ITGB6: variants seen among roughly 807,000 people sequenced by gnomAD.
ITGB6 encodes the protein integrin beta-6.
Under a neutral mutation model 84.5 loss-of-function variants are expected in ITGB6, and 80 were observed. That is an observed-to-expected ratio of 0.95 (90% CI 0.79 to 1.14). The LOEUF (loss-of-function observed/expected upper bound fraction) is 1.14. ITGB6 is among the 50% of genes most tolerant of loss of function. The pLI is 0.00. For missense variants in ITGB6, 1,006 were observed against 968.0 expected, an observed-to-expected ratio of 1.04 and a Z score of -0.52; for synonymous variants, 383 against 354.9, an observed-to-expected ratio of 1.08 and a Z score of -0.89.
At chr2:160,187,793 A>G (rs1685964057) in intron 4 of ITGB6, among the ~76,000 whole-genome samples, 2 of 152,202 alleles carry the variant, frequency 1.3e-5, no homozygotes. Context: ...AAATCAGTAG[A>G]TAATTATTTT....
chr2:160,148,965 C>T (rs1025416389), intron 7 of ITGB6, among the ~76,000 whole-genome samples: 27 of 152,356 alleles, frequency 1.8e-4, no homozygotes, highest in South Asian at 1.4e-3. Context: ...TTGGGTGGAG[C>T]CCACCACAGC....
intron 6 of ITGB6, 128 bp downstream of exon 6, chr2:160,172,441 G>A: frequency 1.1e-6 from 1 of 912,902 alleles, no homozygotes; most frequent in Non-Finnish European, 1.6e-6. Flanking sequence ...GGGGCAACTT[G>A]TTAATCCCAC....
intron 12 of ITGB6, among the ~76,000 whole-genome samples, 190 bp from the exon 13 acceptor site, chr2:160,112,389 AG>A (rs369093337): frequency 5.3e-5 from 8 of 152,224 alleles, no homozygotes; most frequent in African/African-American, 1.4e-4. Context: ...CCAGAAGAAC[AG>A]TTCCAGTTGT....
At chr2:160,115,240 AC>A (rs1271558897) in intron 12 of ITGB6, among the ~76,000 whole-genome samples, 1 of 152,142 alleles carries the variant, frequency 6.6e-6, no homozygotes, top group Non-Finnish European at 1.5e-5. Context: ...ACTGGGAGGC[AC>A]CCCCTAGTAG....
intron 13 of ITGB6, among the ~76,000 whole-genome samples, chr2:160,111,258 G>T (rs990427224): frequency 6.6e-6 from 1 of 152,176 alleles, no homozygotes. Flanking sequence ...GTAAGGGATG[G>T]CTTTGATTTC....
chr2:160,178,087 C>T (rs987511412), intron 4 of ITGB6, among the ~76,000 whole-genome samples: 2 of 152,314 alleles, frequency 1.3e-5, no homozygotes, highest in East Asian at 3.9e-4. Context: ...GTTGGCCAGG[C>T]TGGTCTCGAG....
At chr2:160,143,353 G>A (rs780340589) in intron 7 of ITGB6, among the ~76,000 whole-genome samples, 10 of 152,072 alleles carry the variant, frequency 6.6e-5, no homozygotes, top group East Asian at 1.9e-4. Flanking sequence ...TGAAATCTCC[G>A]GAGAGGTCAC....
rs543710355 is a variant in ITGB6 at position 160,185,426 on chromosome 2, G to T, written c.593+9943C>A. Among the ~76,000 whole-genome samples the T allele has an allele frequency of 1.7e-4, 26 of 152,278 alleles. 1 individual carries two copies. The East Asian group carries it at 4.4e-3, about 26-fold the overall frequency. The stretch of plus-strand genomic sequence containing the variant: ...TAGGAATCCAACTTACAAGGGATGT[G>T]AAGGACCTCTTCAAGAACTACAAAC... On this transcript the variant is annotated intron_variant, in intron 4 of 14. Transcript: ENST00000283249.
intron 8 of ITGB6, among the ~76,000 whole-genome samples, chr2:160,141,385 A>G (rs1683993942): frequency 6.6e-6 from 1 of 152,294 alleles, no homozygotes; most frequent in Admixed American, 6.5e-5. Context: ...CACCGTAGGT[A>G]TATATTCTAA....
At position 160,130,716 on chromosome 2, in the gene ITGB6, C is replaced by T. The variant is rs1189242785; in HGVS notation, c.1661-4115G>A. Reference sequence around the variant, plus strand: ...TACATGTAAATGATCTTCTAAACTACAATATCTTTTTGTTTCTTCCTCAAC... The same window carrying T: ...TACATGTAAATGATCTTCTAAACTATAATATCTTTTTGTTTCTTCCTCAAC... On this transcript the variant is annotated intron_variant, in intron 10 of 14. Coordinates refer to ENST00000283249, the MANE Select transcript of ITGB6 (RefSeq NM_000888.5). 2.6e-5 allele frequency among the ~76,000 whole-genome samples: 4 copies of T among 152,268 alleles called. No individual in the cohort carries two copies. In the East Asian group the frequency reaches 5.8e-4, roughly 22 times the overall value.
At chr2:160,143,100 C>T (rs1026506780) in intron 7 of ITGB6, among the ~76,000 whole-genome samples, 6 of 152,040 alleles carry the variant, frequency 3.9e-5, no homozygotes, top group Non-Finnish European at 1.5e-5. Context: ...CCAGCCTGGC[C>T]AACATGGTGA....
chr2:160,185,254 CT>C (rs1296387895), intron 4 of ITGB6, among the ~76,000 whole-genome samples: 3 of 152,196 alleles, frequency 2.0e-5, no homozygotes, highest in African/African-American at 7.2e-5. Context: ...CCAAAATCTC[CT>C]TAAGCTGATA....
intron 4 of ITGB6, among the ~76,000 whole-genome samples, chr2:160,188,650 C>A (rs1286787668): frequency 1.3e-5 from 2 of 151,642 alleles, no homozygotes; most frequent in African/African-American, 2.4e-5. Context: ...GTCACCCAGG[C>A]TAGAGTACTG....
At chr2:160,122,384 CT>C (rs988666479) in intron 12 of ITGB6, among the ~76,000 whole-genome samples, 1 of 152,060 alleles carries the variant, frequency 6.6e-6, no homozygotes, top group Non-Finnish European at 1.5e-5. Flanking sequence ...AGGTTTACTC[CT>C]TTTTTTCCTC....
At chr2:160,120,668 T>TAAAAAA (rs200095827) in intron 12 of ITGB6, among the ~76,000 whole-genome samples, 44 of 16,086 alleles carry the variant, frequency 2.7e-3, no homozygotes, top group Non-Finnish European at 4.4e-3. Flanking sequence ...AGAGTATAAT[T>TAAAAAA]AAAAAAAAAA....
rs1686500700 is a variant in ITGB6, at chr2:160,200,100, T to C, written c.-37A>G. The C allele has an allele frequency of 1.3e-6, 2 of 1,570,440 alleles. No homozygotes were observed. The highest frequency in any genetic ancestry group is 2.2e-5 in the South Asian group (2 of 89,342). On this transcript the variant is annotated 5_prime_UTR_variant, in exon 1 of 15. Transcript: ENST00000283249. ...CTTGCTGTGCAGACCGATTAAAAAA[T>C]GAATTACCTTCAGCGTTACAAGACC...
intron 7 of ITGB6, 24 bp from the exon 8 acceptor site, chr2:160,142,095 C>T: frequency 1.4e-6 from 2 of 1,441,526 alleles, no homozygotes; most frequent in Non-Finnish European, 9.6e-7. Flanking sequence ...AAGAGTAAGT[C>T]AATCTTTGTT....
intron 10 of ITGB6, among the ~76,000 whole-genome samples, chr2:160,134,780 T>C (rs1239132601): frequency 6.6e-6 from 1 of 152,192 alleles, no homozygotes; most frequent in Non-Finnish European, 1.5e-5. Context: ...TAATCTAGCA[T>C]ATAAACAGAA....
At chr2:160,108,634 T>TA (rs1459740931) in intron 13 of ITGB6, among the ~76,000 whole-genome samples, 3 of 152,220 alleles carry the variant, frequency 2.0e-5, no homozygotes, top group Non-Finnish European at 2.9e-5. Flanking sequence ...CACAGCTTCC[T>TA]GGACCCCTTC....
Sources: allele counts gnomAD v4.1 joint callset (sites outside exome capture counted in the v4.1 genomes callset), GRCh38; gene constraint gnomAD v4.1.1; transcripts MANE v1.5; gene names NCBI Gene and HGNC (gene_info 2026-07-23, HGNC 2026-07-21).